The following FAM135A variants were observed in gnomAD, a reference collection of about 807,000 sequenced individuals.
FAM135A encodes family with sequence similarity 135 member A, also known as protein FAM135A.
A neutral mutation model predicts 146.8 loss-of-function variants in FAM135A; 79 were observed. The observed-to-expected ratio is 0.54, with a 90% CI of 0.45 to 0.65. FAM135A has a LOEUF of 0.65. Among genes scored for constraint, FAM135A ranks in the 30% least tolerant of loss-of-function variants. FAM135A has a pLI of 0.00. For missense variants in FAM135A, 1,623 were observed against 1,758.2 expected (o/e 0.92, Z 1.38); for synonymous variants, 562 against 603.6 (o/e 0.93, Z 1.01).
At chr6:70,502,174 T>C (rs1041131734) in intron 11 of FAM135A, among the ~76,000 whole-genome samples, 3 of 152,196 alleles carry the variant, frequency 2.0e-5, no homozygotes, top group African/African-American at 7.2e-5. Flanking sequence ...TTTCAGAAAG[T>C]ATCACAATTT....
At chr6:70,490,972 T>C (rs1310630978) in intron 10 of FAM135A, 62 bp from the exon 11 acceptor site, 1 of 1,245,180 alleles carries the variant, frequency 8.0e-7, no homozygotes, top group Non-Finnish European at 1.1e-6. Flanking sequence ...TTATGGGAAT[T>C]TTATTTATAT....
intron 10 of FAM135A, chr6:70,486,238 C>T (rs144036955): frequency 3.7e-6 from 6 of 1,613,334 alleles, no homozygotes; most frequent in Non-Finnish European, 4.2e-6. Flanking sequence ...GAAAGACAAC[C>T]ATCTAGGTAC....
chr6:70,525,118 T>C lies in FAM135A; in HGVS notation c.2034T>C (p.Pro678=). ...SGENITVKLG[P]WTELRQEEIL... ...AGAATATAACTGTCAAACTAGGACC[T>C]TGGACAGAGCTTCGACAAGAGGAAA... The change falls in exon 15 of 22, where the codon CCT becomes CCC. Residue 678 remains proline, a synonymous_variant. Transcript: ENST00000418814. The C allele has an allele frequency of 6.4e-7, 1 of 1,566,582 alleles. No homozygotes were observed. Among genetic ancestry groups the C allele is most frequent in the Non-Finnish European group, 8.6e-7 (1 of 1,161,704 alleles).
intron 4 of FAM135A, among the ~76,000 whole-genome samples, chr6:70,442,013 A>C (rs1030759255): frequency 3.3e-5 from 5 of 152,172 alleles, no homozygotes; most frequent in Non-Finnish European, 5.9e-5. Context: ...AAAATGCATC[A>C]TTAATGTATA....
At chr6:70,445,018 C>A (rs1775375784) in intron 4 of FAM135A, among the ~76,000 whole-genome samples, 1 of 152,096 alleles carries the variant, frequency 6.6e-6, no homozygotes, top group African/African-American at 2.4e-5. Context: ...GGAAGCAAAT[C>A]TAATGATTCA....
intron 11 of FAM135A, 69 bp from the exon 12 acceptor site, chr6:70,502,564 CAAT>C: frequency 3.4e-6 from 5 of 1,471,262 alleles, no homozygotes; most frequent in Non-Finnish European, 4.6e-6. Context: ...TTAATATTCT[CAAT>C]AACATTATAT....
At chr6:70,474,582 T>A (rs1782252207) in intron 5 of FAM135A, among the ~76,000 whole-genome samples, 1 of 152,164 alleles carries the variant, frequency 6.6e-6, no homozygotes, top group South Asian at 2.1e-4. Flanking sequence ...TACAGCTTTA[T>A]TACAGCAAAA....
intron 20 of FAM135A, among the ~76,000 whole-genome samples, chr6:70,546,161 A>G (rs973503522): frequency 2.0e-5 from 3 of 152,160 alleles, no homozygotes; most frequent in East Asian, 1.9e-4. Context: ...CACAAAATAG[A>G]ATATATAGGT....
intron 21 of FAM135A, among the ~76,000 whole-genome samples, chr6:70,558,984 C>T (rs1288242747): frequency 6.6e-6 from 1 of 152,206 alleles, no homozygotes; most frequent in Non-Finnish European, 1.5e-5. Flanking sequence ...TTGACTGCCA[C>T]AGAAACATCT....
intron 19 of FAM135A, among the ~76,000 whole-genome samples, chr6:70,536,666 T>C (rs1796845024): frequency 6.6e-6 from 1 of 152,152 alleles, no homozygotes; most frequent in African/African-American, 2.4e-5. Context: ...TTTCATTAAA[T>C]TCTAAATATT....
At chr6:70,468,989 C>T (rs1781036872) in intron 5 of FAM135A, among the ~76,000 whole-genome samples, 1 of 152,168 alleles carries the variant, frequency 6.6e-6, no homozygotes, top group Non-Finnish European at 1.5e-5. Context: ...GTTCCCTTCT[C>T]AAGAAAGCAT....
chr6:70,540,115 C>T (rs1354002256), intron 20 of FAM135A, among the ~76,000 whole-genome samples: 1 of 152,154 alleles, frequency 6.6e-6, no homozygotes, highest in Non-Finnish European at 1.5e-5. Context: ...TGAGTCAACC[C>T]TTTAGATAAT....
intron 2 of FAM135A, chr6:70,417,777 G>T: frequency 4.4e-6 from 1 of 225,586 alleles, no homozygotes; most frequent in Non-Finnish European, 7.4e-6. Context: ...GCCCTTATTG[G>T]CAATAAAAAA....
chr6:70,470,371 TG>T (rs1781368215), intron 5 of FAM135A, among the ~76,000 whole-genome samples: 1 of 152,190 alleles, frequency 6.6e-6, no homozygotes, highest in African/African-American at 2.4e-5. Context: ...TCTTTTTTTT[TG>T]GAGATGGAGT....
At chr6:70,504,778 G>A (rs1789354230) in intron 12 of FAM135A, 1 of 152,056 alleles carries the variant, frequency 6.6e-6, no homozygotes, top group South Asian at 2.1e-4. Context: ...TTCAAGACCA[G>A]CCTGGCCAAC....
At chr6:70,448,046 AGGGAACTG>A (rs1776215860) in intron 4 of FAM135A, among the ~76,000 whole-genome samples, 1 of 152,116 alleles carries the variant, frequency 6.6e-6, no homozygotes, top group Non-Finnish European at 1.5e-5. Context: ...GTATTCTAAC[AGGGAACTG>A]CCAAGCCTCT....
chr6:70,426,653 A>T (rs1770216419), intron 3 of FAM135A, 121 bp downstream of exon 3: 1 of 152,240 alleles, frequency 6.6e-6, no homozygotes, highest in Non-Finnish European at 1.5e-5. Context: ...GCAAGCTGAC[A>T]AGTTAGTCTG....
intron 15 of FAM135A, among the ~76,000 whole-genome samples, chr6:70,527,159 G>A (rs989646962): frequency 2.0e-5 from 3 of 152,034 alleles, no homozygotes; most frequent in Non-Finnish European, 2.9e-5. Context: ...ATGAGTAACA[G>A]GGTAGTGGAA....
intron 12 of FAM135A, chr6:70,513,324 A>G (rs956166340): frequency 7.3e-5 from 11 of 150,826 alleles, no homozygotes; most frequent in African/African-American, 2.4e-4. Flanking sequence ...GAATTTGTCT[A>G]GCAGGTTTTC....
Sources: gnomAD v4.1 joint callset for allele counts (sites outside exome capture counted in the v4.1 genomes callset) on GRCh38, gnomAD v4.1.1 for gene constraint, MANE v1.5 for transcripts, NCBI Gene and HGNC (gene_info 2026-07-23, HGNC 2026-07-21) for gene names.